GSTCD: variants seen among roughly 807,000 people sequenced by gnomAD.
GSTCD encodes the protein glutathione S-transferase C-terminal domain containing.
GSTCD carries 44 observed loss-of-function variants against 68.3 expected under a neutral mutation model. The ratio of observed to expected loss-of-function variants is 0.64; its 90% CI spans 0.51 to 0.83. The LOEUF is 0.83. Among genes scored for constraint, GSTCD ranks in the 40% least tolerant of loss-of-function variants. The pLI, the probability that GSTCD is intolerant of heterozygous loss-of-function variation, is 0.00. For missense variants in GSTCD, 739 were observed against 735.9 expected, an observed-to-expected ratio of 1.00 and a Z score of -0.05; for synonymous variants, 273 against 255.2, an observed-to-expected ratio of 1.07 and a Z score of -0.67.
chr4:105,762,456 T>C (rs972960983), intron 5 of GSTCD, among the ~76,000 whole-genome samples: 3 of 152,184 alleles, frequency 2.0e-5, no homozygotes, highest in African/African-American at 7.2e-5. Context: ...GATTCCTGGG[T>C]AGATAGGTCT....
intron 5 of GSTCD, among the ~76,000 whole-genome samples, chr4:105,798,303 T>C (rs1272925671): frequency 6.6e-6 from 1 of 152,026 alleles, no homozygotes; most frequent in Non-Finnish European, 1.5e-5. Flanking sequence ...CCCCTCAAAA[T>C]GTCATCCATG....
At chr4:105,742,205 ATCTGCCATCCTCTGC>A (rs1733651703) in intron 5 of GSTCD, among the ~76,000 whole-genome samples, 8 of 152,118 alleles carry the variant, frequency 5.3e-5, no homozygotes. Flanking sequence ...GGCCTATCCA[ATCTGCCATCCTCTGC>A]TCTTACCCAT....
chr4:105,832,803 G>C (rs1373960828), intron 8 of GSTCD, among the ~76,000 whole-genome samples: 1 of 152,184 alleles, frequency 6.6e-6, no homozygotes, highest in Non-Finnish European at 1.5e-5. Flanking sequence ...GGGAAGATGT[G>C]TCTATAATTT....
chr4:105,780,934 C>T (rs1735252091), intron 5 of GSTCD, among the ~76,000 whole-genome samples: 2 of 152,088 alleles, frequency 1.3e-5, no homozygotes, highest in South Asian at 4.1e-4. Context: ...AGTAGAGAGA[C>T]ATATAAGCAA....
At chr4:105,738,598 T>C (rs962486043) in intron 5 of GSTCD, among the ~76,000 whole-genome samples, 1 of 152,214 alleles carries the variant, frequency 6.6e-6, no homozygotes, top group African/African-American at 2.4e-5. Flanking sequence ...GTCTTTCACT[T>C]CTTTAGTTAA....
intron 5 of GSTCD, among the ~76,000 whole-genome samples, chr4:105,799,317 T>C (rs559717745): frequency 1.3e-5 from 2 of 152,336 alleles, no homozygotes; most frequent in South Asian, 2.1e-4. Context: ...GGAGCGTTTT[T>C]AATTTCCTTC....
chr4:105,800,293 G>C (rs1736057680), intron 5 of GSTCD, among the ~76,000 whole-genome samples: 1 of 152,108 alleles, frequency 6.6e-6, no homozygotes, highest in African/African-American at 2.4e-5. Flanking sequence ...GATCCCATGA[G>C]ATTTACTATC....
At chr4:105,755,078 A>T (rs866395337) in intron 5 of GSTCD, among the ~76,000 whole-genome samples, 7,229 of 143,392 alleles carry the variant, frequency 0.05, 383 homozygotes, top group Middle Eastern at 0.12. Flanking sequence ...AAAAAAAAAA[A>T]AAAAAAAAAA....
Position 105,719,451 on chromosome 4 carries a change from T to C in GSTCD, c.818T>C (p.Leu273Pro). 1 of 1,614,102 alleles carries C rather than the reference T, an allele frequency of 6.2e-7. No homozygotes were observed. The highest frequency in any genetic ancestry group is 2.2e-5 in the East Asian group (1 of 44,880). The change falls in exon 3 of 12, where the codon CTG (leucine) becomes CCG (proline). Residue 273 changes from leucine to proline, a missense_variant. Leu to Pro is a moderately conservative substitution (Grantham distance 98, BLOSUM62 -3). Coordinates refer to ENST00000515279, the MANE Select transcript of GSTCD (RefSeq NM_001370181.1). ...RKAKASDLPPLEHVFAEGLYF... is the reference protein window; with the variant it reads ...RKAKASDLPPPEHVFAEGLYF... ...GCAAAAGCCTCCGACCTTCCACCTCTGGAGCATGTGTTTGCAGAAGGGCTT... is the reference window on the plus strand; with the variant it reads ...GCAAAAGCCTCCGACCTTCCACCTCCGGAGCATGTGTTTGCAGAAGGGCTT...
At position 105,709,025 on chromosome 4, in the gene GSTCD, G is replaced by C. The variant is rs951629527; in HGVS notation, c.-22+9G>C. The C allele has an allele frequency of 6.6e-6, 1 of 152,638 alleles. No homozygotes were observed. The highest frequency in any genetic ancestry group is 1.5e-5 in the Non-Finnish European group (1 of 68,104). 9.5% of individuals were successfully genotyped at this position (152,638 alleles called of 1,614,324 possible). On this transcript the variant is annotated intron_variant, in intron 1 of 11. Coordinates refer to ENST00000515279, the MANE Select transcript of GSTCD (RefSeq NM_001370181.1). Reference sequence around the variant, plus strand: ...CGCGCCTCTGCGACCAGGTAAAGAGGGCGCTCGGGCCGCCGGCTTCTCAGC... The same window carrying C: ...CGCGCCTCTGCGACCAGGTAAAGAGCGCGCTCGGGCCGCCGGCTTCTCAGC...
At chr4:105,836,379 C>G (rs1306271010) in intron 9 of GSTCD, among the ~76,000 whole-genome samples, 1 of 152,146 alleles carries the variant, frequency 6.6e-6, no homozygotes, top group East Asian at 1.9e-4. Flanking sequence ...CACTTTGGTC[C>G]ACGGAGCTGG....
chr4:105,729,523 T>A, intron 5 of GSTCD, 24 bp downstream of exon 5: 1 of 1,491,028 alleles, frequency 6.7e-7, no homozygotes, highest in Non-Finnish European at 9.3e-7. Context: ...TTTCTTTAAG[T>A]TTTATTCATA....
chr4:105,798,467 C>T (rs996429741), intron 5 of GSTCD, among the ~76,000 whole-genome samples: 1 of 151,742 alleles, frequency 6.6e-6, no homozygotes, highest in Non-Finnish European at 1.5e-5. Context: ...GATGTTACTA[C>T]CAATAGCAGC....
intron 5 of GSTCD, among the ~76,000 whole-genome samples, chr4:105,731,934 G>C: frequency 6.6e-6 from 1 of 152,234 alleles, no homozygotes; most frequent in Middle Eastern, 3.4e-3. Context: ...GGCCTTTTCT[G>C]CATCTATTGA....
At chr4:105,805,724 A>G (rs1020247238) in intron 5 of GSTCD, among the ~76,000 whole-genome samples, 7 of 152,136 alleles carry the variant, frequency 4.6e-5, no homozygotes, top group Admixed American at 2.0e-4. Flanking sequence ...CTGGCATTGC[A>G]CTAAAGTGAG....
intron 5 of GSTCD, among the ~76,000 whole-genome samples, chr4:105,741,745 A>G (rs902567769): frequency 6.6e-6 from 1 of 152,140 alleles, no homozygotes; most frequent in Admixed American, 6.5e-5. Context: ...CATCCCTATA[A>G]TTGGATCATC....
At chr4:105,807,413 C>T (rs950107302) in intron 5 of GSTCD, 8 of 152,160 alleles carry the variant, frequency 5.3e-5, no homozygotes, top group African/African-American at 1.9e-4. Flanking sequence ...ATAGCGCTCT[C>T]ACTCTCTTTG....
chr4:105,754,734 T>A (rs1434087700), intron 5 of GSTCD, among the ~76,000 whole-genome samples: 4 of 152,012 alleles, frequency 2.6e-5, no homozygotes, highest in African/African-American at 9.7e-5. Context: ...AGTGTGCACA[T>A]CTAATAAACA....
intron 5 of GSTCD, among the ~76,000 whole-genome samples, chr4:105,783,714 G>A (rs1482385403): frequency 3.9e-5 from 6 of 152,098 alleles, no homozygotes; most frequent in Non-Finnish European, 1.5e-5. Context: ...TGGATACAAT[G>A]TTACTATCTC....
Sources: allele counts gnomAD v4.1 joint callset (sites outside exome capture counted in the v4.1 genomes callset), GRCh38; gene constraint gnomAD v4.1.1; transcripts MANE v1.5; gene names NCBI Gene and HGNC (gene_info 2026-07-23, HGNC 2026-07-21).